The following PRKG1 variants were observed in gnomAD, a reference collection of about 807,000 sequenced individuals.
PRKG1 encodes protein kinase cGMP-dependent 1, also known as cGMP-dependent protein kinase 1.
A neutral mutation model predicts 88.1 loss-of-function variants in PRKG1; 35 were observed. That is an observed-to-expected ratio of 0.40 (90% confidence interval 0.30 to 0.53). PRKG1 has a LOEUF of 0.53. Among genes scored for constraint, PRKG1 ranks in the 20% least tolerant of loss-of-function variants. The pLI is 0.59. For synonymous variants in PRKG1, 303 were observed against 292.5 expected (o/e 1.04, Z -0.37); for missense variants, 540 against 839.8 (o/e 0.64, Z 4.41).
intron 2 of PRKG1, among the ~76,000 whole-genome samples, chr10:51,218,751 A>T (rs983758772): frequency 6.6e-6 from 1 of 151,920 alleles, no homozygotes; most frequent in South Asian, 2.1e-4. Context: ...AAACAAACAA[A>T]AAAAGATTGG....
At chr10:51,115,606 G>A (rs1396336250) in intron 1 of PRKG1, among the ~76,000 whole-genome samples, 4 of 151,416 alleles carry the variant, frequency 2.6e-5, no homozygotes, top group African/African-American at 9.7e-5. Flanking sequence ...TTGGGAGGCC[G>A]AGGCGGGAGG....
At chr10:52,156,879 A>G (rs2132678528) in intron 8 of PRKG1, among the ~76,000 whole-genome samples, 1 of 151,794 alleles carries the variant, frequency 6.6e-6, no homozygotes, top group Non-Finnish European at 1.5e-5. Context: ...GATGAGATTC[A>G]GGTTAACAAA....
chr10:51,769,770 C>T (rs1344446069), intron 3 of PRKG1, among the ~76,000 whole-genome samples: 3 of 152,138 alleles, frequency 2.0e-5, no homozygotes, highest in African/African-American at 7.2e-5. Flanking sequence ...AATCTTTTGG[C>T]TTCCCTGGCC....
intron 3 of PRKG1, chr10:51,698,940 T>C (rs1174353672): frequency 1.2e-6 from 2 of 1,614,108 alleles, no homozygotes; most frequent in Non-Finnish European, 1.7e-6. Context: ...GACTGAGATT[T>C]GCCTGGGATC....
intron 4 of PRKG1, among the ~76,000 whole-genome samples, chr10:51,807,314 A>C (rs953436446): frequency 6.6e-6 from 1 of 152,168 alleles, no homozygotes; most frequent in African/African-American, 2.4e-5. Flanking sequence ...GGAACCTTGT[A>C]AGTGCAGGTC....
chr10:51,926,749 A>AT (rs1842586555), intron 5 of PRKG1, among the ~76,000 whole-genome samples: 1 of 108,528 alleles, frequency 9.2e-6, no homozygotes, highest in Non-Finnish European at 1.8e-5. Context: ...TGCCTAGCAT[A>AT]GTTTTTTTTT....
At position 51,067,677 on chromosome 10, in the gene PRKG1, C is replaced by A. The variant is rs142285065; in HGVS notation, c.266+76033C>A. Among the ~76,000 whole-genome samples, 110 of 152,088 alleles carry A rather than the reference C, an allele frequency of 7.2e-4. No homozygotes were observed. In the East Asian group the frequency reaches 0.016, roughly 22 times the overall value. ...TCCATAATGACTCTCTACATTAACT[C>A]TTTGAGTAAAAAATTTGTATGTAAT... is the stretch of plus-strand genomic sequence containing the variant. On this transcript the variant is annotated intron_variant, in intron 1 of 17. Coordinates refer to the PRKG1 transcript ENST00000401604.
At chr10:51,159,871 AG>A (rs1277716497) in intron 2 of PRKG1, among the ~76,000 whole-genome samples, 3 of 152,210 alleles carry the variant, frequency 2.0e-5, no homozygotes, top group Non-Finnish European at 4.4e-5. Context: ...GAAGAAATGC[AG>A]GTTATAGTGA....
intron 2 of PRKG1, among the ~76,000 whole-genome samples, chr10:51,414,408 T>C (rs1838183939): frequency 6.6e-6 from 1 of 152,238 alleles, no homozygotes; most frequent in Non-Finnish European, 1.5e-5. Context: ...CACTGTGGAA[T>C]AAATAGTACA....
intron 5 of PRKG1, among the ~76,000 whole-genome samples, chr10:51,940,154 G>T: frequency 6.6e-6 from 1 of 151,676 alleles, no homozygotes; most frequent in Non-Finnish European, 1.5e-5. Flanking sequence ...TGCAAGACAG[G>T]TATACCAAAT....
At chr10:51,300,612 T>G (rs72803182) in intron 2 of PRKG1, among the ~76,000 whole-genome samples, 86 of 152,366 alleles carry the variant, frequency 5.6e-4, no homozygotes, top group South Asian at 1.0e-3. Flanking sequence ...AAGTTAAATC[T>G]AAAAGCCACA....
intron 3 of PRKG1, among the ~76,000 whole-genome samples, chr10:51,545,781 C>T (rs7069138): frequency 0.75 from 113,568 of 151,888 alleles, 43,017 homozygotes; most frequent in East Asian, 0.98. Flanking sequence ...ATAGTCCACG[C>T]TAGCAATAGG....
At chr10:52,137,646 C>A (rs191660190) in intron 8 of PRKG1, among the ~76,000 whole-genome samples, 1 of 152,130 alleles carries the variant, frequency 6.6e-6, no homozygotes, top group African/African-American at 2.4e-5. Context: ...AGGTTACTTA[C>A]AATACCTAAT....
intron 2 of PRKG1, among the ~76,000 whole-genome samples, chr10:51,215,595 T>C (rs1838351563): frequency 6.6e-6 from 1 of 152,140 alleles, no homozygotes; most frequent in Non-Finnish European, 1.5e-5. Flanking sequence ...AATGCTGGCA[T>C]TTGTTTATTC....
intron 9 of PRKG1, among the ~76,000 whole-genome samples, chr10:52,179,624 G>A (rs765734676): frequency 1.3e-5 from 2 of 152,168 alleles, no homozygotes; most frequent in African/African-American, 2.4e-5. Context: ...AGATCTGGAT[G>A]TCTATCTCAC....
At chr10:51,518,592 G>A (rs1304974280) in intron 3 of PRKG1, among the ~76,000 whole-genome samples, 5 of 152,100 alleles carry the variant, frequency 3.3e-5, no homozygotes, top group East Asian at 1.9e-4. Flanking sequence ...CTGAGAATCC[G>A]GGAAAACAGA....
intron 3 of PRKG1, among the ~76,000 whole-genome samples, chr10:51,749,369 G>T (rs1408000336): frequency 6.6e-6 from 1 of 152,178 alleles, no homozygotes; most frequent in Non-Finnish European, 1.5e-5. Flanking sequence ...GCATGGCCAG[G>T]AGCTGGTGAG....
chr10:52,270,179 C>G (rs1841682132), intron 10 of PRKG1, among the ~76,000 whole-genome samples: 2 of 152,178 alleles, frequency 1.3e-5, no homozygotes, highest in South Asian at 4.1e-4. Flanking sequence ...TCAGCAGAGA[C>G]TAGGGTCCAC....
At chr10:51,533,638 GT>G (rs1842072835) in intron 3 of PRKG1, among the ~76,000 whole-genome samples, 22 of 145,532 alleles carry the variant, frequency 1.5e-4, no homozygotes, top group Non-Finnish European at 4.5e-5. Context: ...AAAAAAGCCA[GT>G]TTTCAAACAT....
Sources: gnomAD v4.1 joint callset for allele counts (sites outside exome capture counted in the v4.1 genomes callset) on GRCh38, gnomAD v4.1.1 for gene constraint, MANE v1.5 for transcripts, NCBI Gene and HGNC (gene_info 2026-07-23, HGNC 2026-07-21) for gene names.